Variants in GLIS3 observed in about 807,000 individuals in gnomAD.
GLIS3 encodes GLIS family zinc finger 3, also known as zinc finger protein GLIS3.
GLIS3 carries 53 observed loss-of-function variants against 78.6 expected under a neutral mutation model. The ratio of observed to expected loss-of-function variants is 0.67; its 90% CI spans 0.54 to 0.85. The LOEUF is 0.85. Among genes scored for constraint, GLIS3 ranks in the 40% least tolerant of loss-of-function variants. The pLI is 0.00. For synonymous variants in GLIS3, 684 were observed against 509.9 expected (o/e 1.34, Z -4.60); for missense variants, 1,703 against 1,231.1 (o/e 1.38, Z -5.74).
At chr9:3,871,791 G>C (rs1426800267) in intron 8 of GLIS3, among the ~76,000 whole-genome samples, 1 of 152,192 alleles carries the variant, frequency 6.6e-6, no homozygotes, top group Admixed American at 6.5e-5. Context: ...AGATGCACTG[G>C]AGACATTTTC....
chr9:4,332,294 G>C (rs1207152166), intron 2 of GLIS3, among the ~76,000 whole-genome samples: 1 of 152,104 alleles, frequency 6.6e-6, no homozygotes, highest in Non-Finnish European at 1.5e-5. Context: ...ATTGGGCTAG[G>C]TTTTGGAGGC....
intron 2 of GLIS3, among the ~76,000 whole-genome samples, chr9:4,238,985 G>T (rs930407564): frequency 1.3e-5 from 2 of 151,844 alleles, no homozygotes; most frequent in African/African-American, 4.8e-5. Flanking sequence ...ATGGTTTCCA[G>T]CTTCATCCAT....
chr9:4,162,993 G>C (rs1040304077), intron 2 of GLIS3, among the ~76,000 whole-genome samples: 8 of 151,966 alleles, frequency 5.3e-5, no homozygotes, highest in Non-Finnish European at 8.8e-5. Context: ...CCTAAGTAGG[G>C]TACTTTCTAC....
At chr9:3,976,052 TG>T (rs1818759403) in intron 4 of GLIS3, among the ~76,000 whole-genome samples, 1 of 152,186 alleles carries the variant, frequency 6.6e-6, no homozygotes, top group Non-Finnish European at 1.5e-5. Context: ...AAGGTCGCAC[TG>T]CTCACTGCTC....
At chr9:4,389,530 C>G in the GLIS3 span, among the ~76,000 whole-genome samples, 1 of 152,110 alleles carries the variant, frequency 6.6e-6, no homozygotes, top group African/African-American at 2.4e-5. Context: ...GTCTGCATTT[C>G]CAAAGGTTCT....
the GLIS3 span, among the ~76,000 whole-genome samples, chr9:4,455,972 G>A: frequency 2.0e-5 from 3 of 151,992 alleles, no homozygotes; most frequent in Non-Finnish European, 2.9e-5. Context: ...AAATTAGCCG[G>A]GTGTGGTGTT....
chr9:4,281,050 C>T (rs1827499447), intron 2 of GLIS3, among the ~76,000 whole-genome samples: 1 of 152,036 alleles, frequency 6.6e-6, no homozygotes, highest in Non-Finnish European at 1.5e-5. Context: ...GTAAACAACT[C>T]AATAACATGT....
chr9:3,855,000 G>C (rs541193348), intron 9 of GLIS3, among the ~76,000 whole-genome samples: 3 of 152,286 alleles, frequency 2.0e-5, no homozygotes, highest in African/African-American at 4.8e-5. Context: ...GAAAATTCAG[G>C]CATCAGCAAG....
intron 2 of GLIS3, among the ~76,000 whole-genome samples, chr9:4,188,163 T>G (rs1243383251): frequency 6.6e-6 from 1 of 151,182 alleles, no homozygotes; most frequent in East Asian, 1.9e-4. Flanking sequence ...TATTTTGAGA[T>G]ACATCCCATC....
Position 4,308,467 on chromosome 9 carries a change from G to T in GLIS3, n.584+310C>A, listed in dbSNP as rs146701182. On this transcript the variant is annotated intron_variant and non_coding_transcript_variant, in intron 4 of 4. Coordinates refer to the GLIS3 transcript ENST00000471664. Reference sequence around the variant, plus strand: ...GGCAACGAAGAGGAGAAGGGAGAATGAAGAGAAAGGACCTTGTTCTGCCCC... The same window carrying T: ...GGCAACGAAGAGGAGAAGGGAGAATTAAGAGAAAGGACCTTGTTCTGCCCC... Among the ~76,000 whole-genome samples, 33 of 152,112 alleles carry T rather than the reference G, an allele frequency of 2.2e-4. No individual in the cohort carries two copies. In the East Asian group the frequency reaches 6.0e-3, roughly 28 times the overall value.
chr9:4,094,636 T>G (rs1829797008), intron 4 of GLIS3, among the ~76,000 whole-genome samples: 1 of 152,188 alleles, frequency 6.6e-6, no homozygotes, highest in African/African-American at 2.4e-5. Context: ...TGTGCACATA[T>G]CAAAATCCAA....
chr9:3,826,153 TAAC>T lies in GLIS3; in HGVS notation c.*2116_*2118del, dbSNP rs1170593673. 6.6e-6 allele frequency: 1 copy of T among 152,238 alleles called. No individual in the cohort carries two copies. Among genetic ancestry groups the T allele is most frequent in the African/African-American group, 2.4e-5 (1 of 41,464 alleles). The allele number at this position is 152,238 out of a possible 1,614,324, so 9.4% of individuals were successfully genotyped here. On this transcript the variant is annotated 3_prime_UTR_variant, in exon 11 of 11. Transcript: ENST00000381971. Reference sequence around the variant, plus strand: ...GCAGGGCTGACAATGTCAACTGCAATAACAACCTTGCCTTTTCATCTTTTTTCT... The same window carrying T: ...GCAGGGCTGACAATGTCAACTGCAATAACCTTGCCTTTTCATCTTTTTTCT...
intron 6 of GLIS3, among the ~76,000 whole-genome samples, chr9:3,927,226 G>T (rs900865647): frequency 3.9e-5 from 6 of 152,208 alleles, no homozygotes; most frequent in African/African-American, 1.4e-4. Context: ...ATAAATATCT[G>T]TTGAGTAGAA....
At chr9:4,384,849 G>A in the GLIS3 span, among the ~76,000 whole-genome samples, 3 of 152,164 alleles carry the variant, frequency 2.0e-5, no homozygotes, top group Middle Eastern at 3.4e-3. Context: ...ATATCAGATA[G>A]AAGACTTTCC....
chr9:4,194,788 G>A (rs1448521375), intron 2 of GLIS3, among the ~76,000 whole-genome samples: 1 of 152,190 alleles, frequency 6.6e-6, no homozygotes, highest in African/African-American at 2.4e-5. Flanking sequence ...GGCCAAGGGA[G>A]AGTACTTTGT....
rs1319292918 is a variant in GLIS3 at position 3,828,217 on chromosome 9, A to G, written c.*55T>C. On this transcript the variant is annotated 3_prime_UTR_variant, in exon 11 of 11. Coordinates refer to ENST00000381971, the MANE Select transcript of GLIS3 (RefSeq NM_001042413.2). ...AGCAGTCTGTGAGAGTACGAAAACA[A>G]AAGGTGGCAAGCAACATCAAGGTCC... 1.2e-6 allele frequency: 2 copies of G among 1,610,650 alleles called. No individual in the cohort carries two copies. The highest frequency in any genetic ancestry group is 3.3e-5 in the Admixed American group (2 of 60,012).
chr9:4,488,702 T>G, the GLIS3 span, among the ~76,000 whole-genome samples: 1 of 151,714 alleles, frequency 6.6e-6, no homozygotes, highest in Non-Finnish European at 1.5e-5. Context: ...GTATTTTTGG[T>G]AGACGGGATT....
At chr9:3,947,168 G>T (rs2130828995) in intron 4 of GLIS3, among the ~76,000 whole-genome samples, 1 of 152,354 alleles carries the variant, frequency 6.6e-6, no homozygotes, top group East Asian at 1.9e-4. Context: ...TGTCTTCCCT[G>T]TTGGCAATGG....
chr9:4,409,974 T>C, the GLIS3 span, among the ~76,000 whole-genome samples: 2 of 152,114 alleles, frequency 1.3e-5, no homozygotes, highest in Admixed American at 6.5e-5. Context: ...TTGGGAGGTC[T>C]GTATGGGTTT....
Sources: allele counts gnomAD v4.1 joint callset (sites outside exome capture counted in the v4.1 genomes callset), GRCh38; gene constraint gnomAD v4.1.1; transcripts MANE v1.5; gene names NCBI Gene and HGNC (gene_info 2026-07-23, HGNC 2026-07-21).